ATG4C: variants seen among roughly 807,000 people sequenced by gnomAD.
ATG4C encodes the protein cysteine protease ATG4C.
ATG4C carries 56 observed loss-of-function variants against 57.6 expected under a neutral mutation model. The ratio of observed to expected loss-of-function variants is 0.97; its 90% confidence interval spans 0.78 to 1.21. The LOEUF is 1.21. ATG4C is among the 50% of genes most tolerant of loss of function. The probability of loss-of-function intolerance (pLI) is 0.00; values close to 1 mark genes in which losing one functional copy is unlikely to be tolerated. For missense variants in ATG4C, 595 were observed against 529.8 expected, an observed-to-expected ratio of 1.12 and a Z score of -1.21; for synonymous variants, 157 against 174.1, an observed-to-expected ratio of 0.90 and a Z score of 0.78.
chr1:62,798,286 T>C (rs901752650), intron 1 of ATG4C, among the ~76,000 whole-genome samples: 5 of 152,234 alleles, frequency 3.3e-5, no homozygotes, highest in Admixed American at 6.5e-5. Context: ...CTGTCTAGCT[T>C]ATTGTTTTAG....
chr1:62,864,612 G>T lies in ATG4C; in HGVS notation c.*453G>T, dbSNP rs186683125. ...GCCTCCTGCTATTAATGCAATCAAA[G>T]AATACTTTTGCATATGTCTTGATAA... On this transcript the variant is annotated 3_prime_UTR_variant, in exon 11 of 11. Transcript: ENST00000317868. The T allele has an allele frequency of 8.7e-4, 136 of 155,682 alleles. 1 individual carries two copies. Among genetic ancestry groups the T allele is most frequent in the Non-Finnish European group, 1.5e-3 (104 of 70,664 alleles). The allele number at this position is 155,682 out of a possible 1,614,324, so 9.6% of individuals were successfully genotyped here.
intron 6 of ATG4C, among the ~76,000 whole-genome samples, chr1:62,821,663 T>A (rs988730051): frequency 1.3e-5 from 2 of 152,118 alleles, no homozygotes; most frequent in African/African-American, 4.8e-5. Context: ...TTGGGTCTTC[T>A]TTTTGATGAT....
At chr1:62,793,618 A>AAAAAAAAAAAAAAAAAAAAAAAAAAAAC (rs1553221617) in intron 1 of ATG4C, among the ~76,000 whole-genome samples, 3 of 104,050 alleles carry the variant, frequency 2.9e-5, no homozygotes, top group Admixed American at 1.2e-4. Context: ...AAAAAAAAAA[A>AAAAAAAAAAAAAAAAAAAAAAAAAAAAC]AACCAAAAAA....
At chr1:62,841,570 A>T in intron 10 of ATG4C, 23 bp downstream of exon 10, 1 of 1,527,366 alleles carries the variant, frequency 6.5e-7, no homozygotes, top group East Asian at 2.4e-5. Flanking sequence ...AAAATATTAT[A>T]TTTGTAAATG....
At chr1:62,817,720 T>C (rs1665329086) in intron 4 of ATG4C, among the ~76,000 whole-genome samples, 1 of 152,200 alleles carries the variant, frequency 6.6e-6, no homozygotes, top group Admixed American at 6.5e-5. Context: ...AACTTACATA[T>C]ATATGTTTTT....
At chr1:62,793,978 T>G (rs750337579) in intron 1 of ATG4C, among the ~76,000 whole-genome samples, 10 of 152,234 alleles carry the variant, frequency 6.6e-5, no homozygotes, top group Non-Finnish European at 1.0e-4. Context: ...CGTAGTTACC[T>G]TCGACTTATC....
At chr1:62,832,609 T>C (rs1336317019) in intron 7 of ATG4C, among the ~76,000 whole-genome samples, 1 of 152,174 alleles carries the variant, frequency 6.6e-6, no homozygotes, top group African/African-American at 2.4e-5. Context: ...TAACCTGATA[T>C]TCATGCAAGC....
intron 9 of ATG4C, among the ~76,000 whole-genome samples, chr1:62,840,432 C>T (rs1376600189): frequency 6.6e-6 from 1 of 152,106 alleles, no homozygotes; most frequent in Non-Finnish European, 1.5e-5. Flanking sequence ...TTTGTATATC[C>T]TTAGTTTATT....
At position 62,815,606 on chromosome 1, in the gene ATG4C, A is replaced by T. The variant is rs555658942; in HGVS notation, c.161-969A>T. ...GGACCAGTGGTTTAATCATGGCTCA[A>T]TGCAGCCTCAACCTCCTGGCTCCAG... is the stretch of plus-strand genomic sequence containing the variant. On this transcript the variant is annotated intron_variant, in intron 3 of 10. Coordinates refer to ENST00000317868, the MANE Select transcript of ATG4C (RefSeq NM_032852.4). Among the ~76,000 whole-genome samples, 4 of 152,280 alleles carry T rather than the reference A, an allele frequency of 2.6e-5. No individual in the cohort carries two copies. In the East Asian group the frequency reaches 7.7e-4, roughly 29 times the overall value.
At chr1:62,820,186 A>T (rs564992171) in intron 5 of ATG4C, among the ~76,000 whole-genome samples, 3 of 152,230 alleles carry the variant, frequency 2.0e-5, no homozygotes, top group East Asian at 3.9e-4. Flanking sequence ...TATGACATTT[A>T]TAAAAGCATA....
At position 62,816,682 on chromosome 1, in the gene ATG4C, A is replaced by G. The variant is rs1665284135; in HGVS notation, c.268A>G (p.Thr90Ala). The stretch of plus-strand genomic sequence containing the variant: ...AGATTTCATTTCTAGAATATGGCTG[A>G]CCTACAGGGAAGAATTCCCTCAAAT... ...RKDFISRIWLTYREEFPQIEG... is the reference protein window; with the variant it reads ...RKDFISRIWLAYREEFPQIEG... The change falls in exon 4 of 11, where the codon ACC (threonine) becomes GCC (alanine). Residue 90 changes from threonine to alanine, a missense_variant. Transcript: ENST00000317868. 1 of 1,613,926 alleles carries G rather than the reference A, an allele frequency of 6.2e-7. No homozygotes were observed.
chr1:62,859,271 T>C (rs1172095722), intron 10 of ATG4C, among the ~76,000 whole-genome samples: 3 of 152,146 alleles, frequency 2.0e-5, no homozygotes, highest in Non-Finnish European at 4.4e-5. Context: ...TTTCAAAATC[T>C]GAAAAAAATC....
intron 1 of ATG4C, among the ~76,000 whole-genome samples, chr1:62,800,410 ACTTT>A (rs1557960658): frequency 6.6e-6 from 1 of 152,160 alleles, no homozygotes; most frequent in Non-Finnish European, 1.5e-5. Flanking sequence ...CTTCTTTCTT[ACTTT>A]CTAACTCCCT....
intron 1 of ATG4C, among the ~76,000 whole-genome samples, chr1:62,790,196 G>T (rs1664230446): frequency 1.3e-5 from 2 of 152,196 alleles, no homozygotes. Context: ...TTACAGGCGT[G>T]AGCCACTGTA....
Position 62,816,587 on chromosome 1 carries a change from C to G in ATG4C, c.173C>G (p.Thr58Arg). 3 of 1,605,808 alleles carry G rather than the reference C, an allele frequency of 1.9e-6. No individual in the cohort carries two copies. Among genetic ancestry groups the G allele is most frequent in the Non-Finnish European group, 1.7e-6 (2 of 1,176,086 alleles). ...GTTTATTTTTTAGATGAAGATAAAA[C>G]GTTACCTGCAGAGTCGGGATGTACA... ...YHFKYEDEDK[T>R]LPAESGCTIE... is the part of the protein sequence containing the mutation. The change falls in exon 4 of 11, where the codon ACG becomes AGG. Residue 58 changes from threonine (T) to arginine (R), a missense_variant. Thr to Arg is a moderately conservative substitution (Grantham distance 71). Transcript: ENST00000317868.
intron 3 of ATG4C, 32 bp from the exon 4 acceptor site, chr1:62,816,543 G>C (rs1305447955): frequency 6.8e-7 from 1 of 1,480,398 alleles, no homozygotes; most frequent in Non-Finnish European, 9.2e-7. Context: ...ACATTTCTCT[G>C]GTTATCTTTA....
intron 9 of ATG4C, among the ~76,000 whole-genome samples, chr1:62,839,467 C>T (rs1357932693): frequency 6.6e-6 from 1 of 152,152 alleles, no homozygotes; most frequent in Non-Finnish European, 1.5e-5. Flanking sequence ...TTCTTATCCC[C>T]AACTGGTAAA....
At chr1:62,789,043 G>A (rs2100274021) in intron 1 of ATG4C, among the ~76,000 whole-genome samples, 1 of 152,214 alleles carries the variant, frequency 6.6e-6, no homozygotes, top group South Asian at 2.1e-4. Context: ...TTAGTAATCT[G>A]TAGGGGTGAT....
intron 3 of ATG4C, 22 bp from the exon 4 acceptor site, chr1:62,816,553 A>G: frequency 6.5e-7 from 1 of 1,550,366 alleles, no homozygotes; most frequent in South Asian, 1.2e-5. Context: ...GGTTATCTTT[A>G]GACCGTATGT....
Sources: allele counts gnomAD v4.1 joint callset (sites outside exome capture counted in the v4.1 genomes callset), GRCh38; gene constraint gnomAD v4.1.1; transcripts MANE v1.5; gene names NCBI Gene and HGNC (gene_info 2026-07-23, HGNC 2026-07-21).